KSR2: variants seen among roughly 807,000 people sequenced by gnomAD.
KSR2 encodes the protein kinase suppressor of ras 2.
A neutral mutation model predicts 107.8 loss-of-function variants in KSR2; 25 were observed. That is an observed-to-expected ratio of 0.23 (90% confidence interval 0.17 to 0.32). KSR2 has a LOEUF of 0.32. Among genes scored for constraint, KSR2 ranks in the 10% least tolerant of loss-of-function variants. The pLI is 1.00. For missense variants in KSR2, 887 were observed against 1,268.9 expected (o/e 0.70, Z 4.57); for synonymous variants, 480 against 507.0 (o/e 0.95, Z 0.71).
intron 3 of KSR2, among the ~76,000 whole-genome samples, chr12:117,764,154 A>G (rs764730709): frequency 3.3e-5 from 5 of 152,064 alleles, no homozygotes; most frequent in Non-Finnish European, 7.4e-5. Flanking sequence ...GAAAATTGAG[A>G]TAAGAAAAAA....
chr12:117,743,714 C>T (rs1392515786), intron 4 of KSR2, among the ~76,000 whole-genome samples: 2 of 152,164 alleles, frequency 1.3e-5, no homozygotes, highest in East Asian at 3.8e-4. Flanking sequence ...GCTTTATTTC[C>T]TATGCCCTGA....
chr12:117,605,806 A>G (rs576937933), intron 5 of KSR2, among the ~76,000 whole-genome samples: 4 of 152,236 alleles, frequency 2.6e-5, no homozygotes, highest in African/African-American at 9.6e-5. Flanking sequence ...AAAAGGAATG[A>G]GATCATGACC....
chr12:117,944,494 G>A (rs555639277), intron 1 of KSR2, among the ~76,000 whole-genome samples: 40 of 152,130 alleles, frequency 2.6e-4, no homozygotes, highest in Non-Finnish European at 5.1e-4. Flanking sequence ...AAAATCATTC[G>A]ATTGTACAGT....
intron 4 of KSR2, among the ~76,000 whole-genome samples, chr12:117,707,684 G>A (rs1886581439): frequency 6.6e-6 from 1 of 152,204 alleles, no homozygotes; most frequent in Admixed American, 6.5e-5. Flanking sequence ...CTCCGGCCTT[G>A]AGAAACAGAG....
chr12:117,753,773 A>T (rs889128325), intron 4 of KSR2, among the ~76,000 whole-genome samples: 1 of 151,704 alleles, frequency 6.6e-6, no homozygotes, highest in African/African-American at 2.4e-5. Flanking sequence ...AAGTTTACCT[A>T]TGTAACAAAC....
chr12:117,915,524 A>G (rs1895147219), intron 1 of KSR2, among the ~76,000 whole-genome samples: 1 of 152,200 alleles, frequency 6.6e-6, no homozygotes, highest in African/African-American at 2.4e-5. Flanking sequence ...TTTAACTGAC[A>G]TTTAACTGAA....
At chr12:117,866,323 G>C (rs1185972982) in intron 1 of KSR2, among the ~76,000 whole-genome samples, 1 of 152,174 alleles carries the variant, frequency 6.6e-6, no homozygotes, top group African/African-American at 2.4e-5. Flanking sequence ...CAAGTGCTGG[G>C]ATTATAGGCA....
intron 16 of KSR2, among the ~76,000 whole-genome samples, chr12:117,482,374 G>A (rs1280931033): frequency 1.3e-5 from 2 of 152,130 alleles, no homozygotes; most frequent in East Asian, 3.9e-4. Context: ...AGAACTATGA[G>A]GGATGACAAT....
At chr12:117,494,051 G>A (rs1872888087) in intron 14 of KSR2, among the ~76,000 whole-genome samples, 1 of 152,158 alleles carries the variant, frequency 6.6e-6, no homozygotes, top group Admixed American at 6.5e-5. Context: ...AATACGGGCA[G>A]GGACTGGGTT....
intron 3 of KSR2, among the ~76,000 whole-genome samples, chr12:117,780,874 A>G (rs1030559042): frequency 6.6e-6 from 1 of 152,184 alleles, no homozygotes; most frequent in East Asian, 1.9e-4. Flanking sequence ...ACATCTCACA[A>G]TGTCATAAAG....
chr12:117,468,827 A>T (rs564013247), intron 19 of KSR2, among the ~76,000 whole-genome samples: 2 of 152,076 alleles, frequency 1.3e-5, no homozygotes, highest in South Asian at 4.2e-4. Context: ...TTGTATATGG[A>T]TGTGTGTGAG....
intron 5 of KSR2, among the ~76,000 whole-genome samples, chr12:117,586,309 G>A (rs1020929070): frequency 2.0e-5 from 3 of 152,076 alleles, no homozygotes; most frequent in African/African-American, 4.8e-5. Context: ...AAATAGGGCC[G>A]GGTGCGGTGA....
At chr12:117,883,591 G>T (rs1371217784) in intron 1 of KSR2, among the ~76,000 whole-genome samples, 1 of 152,192 alleles carries the variant, frequency 6.6e-6, no homozygotes, top group Non-Finnish European at 1.5e-5. Context: ...GGATCAGGCA[G>T]CCAGGCACAG....
intron 7 of KSR2, among the ~76,000 whole-genome samples, chr12:117,572,084 TC>T (rs1179922526): frequency 2.0e-5 from 3 of 152,146 alleles, no homozygotes; most frequent in Non-Finnish European, 4.4e-5. Context: ...TCTCCCCCAG[TC>T]CCTGCCTGGT....
At chr12:117,751,849 C>T (rs1262923873) in intron 4 of KSR2, among the ~76,000 whole-genome samples, 1 of 152,138 alleles carries the variant, frequency 6.6e-6, no homozygotes, top group Non-Finnish European at 1.5e-5. Context: ...TGTCTGAATG[C>T]TTAGTTAGCC....
At chr12:117,637,814 T>G (rs1355933865) in intron 5 of KSR2, among the ~76,000 whole-genome samples, 2 of 151,822 alleles carry the variant, frequency 1.3e-5, no homozygotes, top group Non-Finnish European at 2.9e-5. Flanking sequence ...TATTTTTACA[T>G]AAATGCCTAA....
intron 1 of KSR2, among the ~76,000 whole-genome samples, chr12:117,952,316 T>G (rs1378601150): frequency 1.3e-5 from 2 of 152,220 alleles, no homozygotes; most frequent in East Asian, 3.9e-4. Context: ...CACACAATTT[T>G]GTTAAGTATG....
chr12:117,955,192 G>A (rs1236338928), intron 1 of KSR2, among the ~76,000 whole-genome samples: 1 of 151,832 alleles, frequency 6.6e-6, no homozygotes, highest in African/African-American at 2.4e-5. Context: ...CACAATCATG[G>A]CTCACTGCAG....
At chr12:117,552,828 G>A (rs768078624) in intron 9 of KSR2, among the ~76,000 whole-genome samples, 10 of 152,216 alleles carry the variant, frequency 6.6e-5, no homozygotes, top group Non-Finnish European at 1.5e-4. Context: ...ACAAAAGTAG[G>A]TTGTGGGCTG....
Sources: gnomAD v4.1 joint callset for allele counts (sites outside exome capture counted in the v4.1 genomes callset) on GRCh38, gnomAD v4.1.1 for gene constraint, MANE v1.5 for transcripts, NCBI Gene and HGNC (gene_info 2026-07-23, HGNC 2026-07-21) for gene names.